Variants in BRF1 observed in about 807,000 individuals in gnomAD.
BRF1 encodes the protein transcription factor IIIB 90 kDa subunit.
A neutral mutation model predicts 81.7 loss-of-function variants in BRF1; 59 were observed. That is an observed-to-expected ratio of 0.72 (90% CI 0.59 to 0.90). BRF1 has a LOEUF of 0.90. Ranked by LOEUF, BRF1 falls within the 40% of genes least tolerant of loss-of-function variation. BRF1 has a pLI of 0.00. For synonymous variants in BRF1, 491 were observed against 395.6 expected (o/e 1.24, Z -2.86); for missense variants, 1,050 against 936.3 (o/e 1.12, Z -1.58).
chr14:105,279,916 G>A (rs1419670626), intron 2 of BRF1, among the ~76,000 whole-genome samples: 1 of 152,206 alleles, frequency 6.6e-6, no homozygotes, highest in Admixed American at 6.5e-5. Context: ...GTTCTAGAAC[G>A]GCTCCAGCCC....
chr14:105,265,054 G>GTTTTTTTTTTTTTTTTTTTTTTTTTT (rs587673120), intron 3 of BRF1, among the ~76,000 whole-genome samples: 1 of 130,106 alleles, frequency 7.7e-6, no homozygotes. Context: ...CCTTTTTTTT[G>GTTTTTTTTTTTTTTTTTTTTTTTTTT]TTTTTTTTTT....
chr14:105,280,518 G>A (rs140322385), intron 2 of BRF1, among the ~76,000 whole-genome samples: 26 of 152,318 alleles, frequency 1.7e-4, no homozygotes, highest in Admixed American at 9.1e-4. Context: ...GTGTGTGGTG[G>A]AAGCTGCGTG....
intron 9 of BRF1, 21 bp downstream of exon 9, chr14:105,226,230 A>G: frequency 6.2e-7 from 1 of 1,614,092 alleles, no homozygotes; most frequent in South Asian, 1.1e-5. Flanking sequence ...GAAGCATTAC[A>G]TGGGAAGATT....
chr14:105,315,005 G>A lies in BRF1; in HGVS notation c.-162+317C>T. 8.0e-7 allele frequency: 1 copy of A among 1,256,482 alleles called. No homozygotes were observed. The highest frequency in any genetic ancestry group is 1.0e-6 in the Non-Finnish European group (1 of 980,582). 77.8% of individuals were successfully genotyped at this position (1,256,482 alleles called of 1,614,324 possible). ...CCATGAACCTGTTCGCCACCTGGGA[G>A]GTGGACGGCTCCAGCCCCAGCTGCG... On this transcript the variant is annotated intron_variant, in intron 1 of 17. Coordinates refer to the BRF1 transcript ENST00000327359. The surrounding 1 kb of genome is among the most constrained non-coding windows in gnomAD (Gnocchi z 4.4).
chr14:105,284,485 C>T lies in BRF1; in HGVS notation c.265+1811G>A, dbSNP rs376451226. The stretch of plus-strand genomic sequence containing the variant: ...AAGAGCCCGGCCTCCTGGAGATGGC[C>T]CAGGAGAAAACAGCCAGGGTGACGT... On this transcript the variant is annotated intron_variant, in intron 2 of 17. Coordinates refer to ENST00000547530, the MANE Select transcript of BRF1 (RefSeq NM_001519.4). The surrounding 1 kb of genome is among the most constrained non-coding windows in gnomAD (Gnocchi z 4.0). 1.3e-5 allele frequency among the ~76,000 whole-genome samples: 2 copies of T among 152,062 alleles called. No individual in the cohort carries two copies. The highest frequency in any genetic ancestry group is 4.8e-5 in the African/African-American group (2 of 41,378).
At chr14:105,288,465 T>C (rs2057396968) in intron 1 of BRF1, among the ~76,000 whole-genome samples, 1 of 147,690 alleles carries the variant, frequency 6.8e-6, no homozygotes, top group South Asian at 2.2e-4. Context: ...AAAATAAAAA[T>C]AAAAATAAAA....
At chr14:105,247,739 T>C in intron 5 of BRF1, 2 of 985,494 alleles carry the variant, frequency 2.0e-6, no homozygotes, top group Non-Finnish European at 2.4e-6. Context: ...TGCGTGTGTG[T>C]CCTCGGGGAG....
At chr14:105,224,237 C>T (rs767647370) in intron 10 of BRF1, among the ~76,000 whole-genome samples, 2 of 152,146 alleles carry the variant, frequency 1.3e-5, no homozygotes, top group Non-Finnish European at 2.9e-5. Context: ...GGCGTGGTGG[C>T]GCATGCCTGT....
chr14:105,252,528 A>G lies in BRF1; in HGVS notation c.523T>C (p.Cys175Arg). The G allele has an allele frequency of 3.1e-6, 5 of 1,613,908 alleles. No homozygotes were observed. The highest frequency in any genetic ancestry group is 4.2e-6 in the Non-Finnish European group (5 of 1,179,984). The change falls in exon 5 of 18, where the codon TGC becomes CGC. Residue 175 changes from cysteine (C) to arginine (R), a missense_variant. By Grantham distance (180) the Cys-to-Arg change is radical. Coordinates refer to ENST00000547530, the MANE Select transcript of BRF1 (RefSeq NM_001519.4). ...KTFLLLARELCINAPAIDPCL... is the reference protein window; with the variant it reads ...KTFLLLARELRINAPAIDPCL... ...CTACCTATGGCCGGCGCATTGATGC[A>G]GAGCTCTCTTGCCAAGAGAAGAAAC...
chr14:105,248,926 G>A, intron 5 of BRF1: 2 of 984,386 alleles, frequency 2.0e-6, no homozygotes, highest in Non-Finnish European at 2.4e-6. Flanking sequence ...CTAGCCAACA[G>A]CAACGCCGGC....
rs140981666 is a variant in BRF1, at chr14:105,266,070, C to CA, written c.439+6650dup. 4.2e-3 allele frequency among the ~76,000 whole-genome samples: 623 copies of CA among 147,836 alleles called. 3 individuals carry two copies. Among genetic ancestry groups the CA allele is most frequent in the Admixed American group, 9.8e-3 (145 of 14,786 alleles). ...TGGGTGAGGCAGTGAGACTCTGTCT[C>CA]AAAAAAAAACAAAACAAACAAAAAA... On this transcript the variant is annotated intron_variant, in intron 3 of 17. Transcript: ENST00000547530.
chr14:105,284,340 G>C lies in BRF1; in HGVS notation c.265+1956C>G, dbSNP rs1010985165. 6.6e-6 allele frequency among the ~76,000 whole-genome samples: 1 copy of C among 152,116 alleles called. No individual in the cohort carries two copies. Among genetic ancestry groups the C allele is most frequent in the African/African-American group, 2.4e-5 (1 of 41,424 alleles). ...ACAAGGAAAAAAGCACAAGGGAAGC[G>C]TAAGGATCCATCCACTCTGCTGTGA... On this transcript the variant is annotated intron_variant, in intron 2 of 17. Coordinates refer to ENST00000547530, the MANE Select transcript of BRF1 (RefSeq NM_001519.4). The surrounding 1 kb of genome is among the most constrained non-coding windows in gnomAD (Gnocchi z 4.0).
chr14:105,282,350 G>A (rs1368133016), intron 2 of BRF1, among the ~76,000 whole-genome samples: 1 of 152,260 alleles, frequency 6.6e-6, no homozygotes, highest in East Asian at 1.9e-4. Flanking sequence ...GCTGCGGGCA[G>A]GAAGGGTGGC....
At chr14:105,224,923 T>A (rs1166633093) in intron 10 of BRF1, among the ~76,000 whole-genome samples, 2 of 152,058 alleles carry the variant, frequency 1.3e-5, no homozygotes, top group Non-Finnish European at 2.9e-5. Context: ...CCCGGAGGGG[T>A]CCCCATGGTG....
At chr14:105,227,077 C>A in intron 7 of BRF1, 1 of 309,134 alleles carries the variant, frequency 3.2e-6, no homozygotes, top group Non-Finnish European at 6.0e-6. Flanking sequence ...GATAGCGCCA[C>A]TGGCCTCCAG....
At chr14:105,243,462 A>T (rs868036243) in intron 5 of BRF1, among the ~76,000 whole-genome samples, 1,754 of 136,524 alleles carry the variant, frequency 0.013, 21 homozygotes, top group African/African-American at 0.034. Flanking sequence ...CTTAAAAAAA[A>T]AAAAATAAAA....
At chr14:105,226,347 C>T in intron 8 of BRF1, 57 bp from the exon 9 acceptor site, 4 of 1,610,412 alleles carry the variant, frequency 2.5e-6, no homozygotes, top group East Asian at 2.2e-5. Flanking sequence ...CACAGCGCAG[C>T]CTCTGGGGTG....
In BRF1 at chr14:105,315,060, T is replaced by C; in HGVS notation, c.-162+262A>G. 8.7e-7 allele frequency: 1 copy of C among 1,147,056 alleles called. No individual in the cohort carries two copies. The allele number at this position is 1,147,056 out of a possible 1,614,324, so 71.1% of individuals were successfully genotyped here. Reference sequence around the variant, plus strand: ...CAGGTACGCGCCGCCCGCCGCGCTTTGTTCCCGCCGGGCACCTGCTGGGGG... The same window carrying C: ...CAGGTACGCGCCGCCCGCCGCGCTTCGTTCCCGCCGGGCACCTGCTGGGGG... On this transcript the variant is annotated intron_variant, in intron 1 of 17. Transcript: ENST00000327359. This position sits in a 1 kb window ranked among gnomAD's most constrained non-coding sequence, Gnocchi z 4.4.
chr14:105,251,882 G>A (rs757717337), intron 5 of BRF1, among the ~76,000 whole-genome samples: 2 of 151,974 alleles, frequency 1.3e-5, no homozygotes, highest in Non-Finnish European at 2.9e-5. Context: ...CTGCTGCCTC[G>A]AGGGAGAGAC....
Sources: allele counts gnomAD v4.1 joint callset (sites outside exome capture counted in the v4.1 genomes callset), GRCh38; gene constraint gnomAD v4.1.1; non-coding constraint Gnocchi (gnomAD v3.1); transcripts MANE v1.5; gene names NCBI Gene and HGNC (gene_info 2026-07-23, HGNC 2026-07-21).